Variants in CFAP54 observed in about 807,000 individuals in gnomAD.
CFAP54 encodes the protein cilia- and flagella-associated protein 54.
CFAP54 carries 290 observed loss-of-function variants against 370.4 expected under a neutral mutation model. That is an observed-to-expected ratio of 0.78 (90% confidence interval 0.71 to 0.86). The LOEUF is 0.86. Ranked by LOEUF, CFAP54 falls within the 40% of genes least tolerant of loss-of-function variation. The pLI is 0.00. For missense variants in CFAP54, 3,399 were observed against 3,528.7 expected (o/e 0.96, Z 0.93); for synonymous variants, 1,206 against 1,236.5 (o/e 0.98, Z 0.52).
At chr12:96,642,987 G>C (rs550672665) in intron 32 of CFAP54, among the ~76,000 whole-genome samples, 1 of 152,114 alleles carries the variant, frequency 6.6e-6, no homozygotes, top group South Asian at 2.1e-4. Flanking sequence ...CTGTCCTGTC[G>C]CTGATCTCCC....
At position 96,764,180 on chromosome 12, in the gene CFAP54, A is replaced by G. The variant is rs1226129024; in HGVS notation, c.8070A>G (p.Lys2690=). 6.8e-6 allele frequency: 11 copies of G among 1,613,298 alleles called. No homozygotes were observed. Among genetic ancestry groups the G allele is most frequent in the Non-Finnish European group, 8.5e-6 (10 of 1,179,582 alleles). The change falls in exon 59 of 68, where the codon AAA becomes AAG. Residue 2690 remains lysine, a synonymous_variant. Transcript: ENST00000524981. ...CTCTCAGAAGAAGTAGTTCTGTTAA[A>G]GAAACATCAGCAAATAAATTTGAAA... ...KPPLRRSSSV[K]ETSANKFEMY...
intron 45 of CFAP54, among the ~76,000 whole-genome samples, chr12:96,696,709 G>A (rs1384256319): frequency 1.3e-5 from 2 of 152,146 alleles, no homozygotes; most frequent in Non-Finnish European, 2.9e-5. Context: ...CAGGAGTAGA[G>A]TAAGCAGTGG....
chr12:96,527,178 T>G (rs1411867907), intron 8 of CFAP54, 68 bp from the exon 9 acceptor site: 3 of 1,348,058 alleles, frequency 2.2e-6, no homozygotes, highest in Non-Finnish European at 2.9e-6. Context: ...ATTATAGGCA[T>G]GAGCCACTGC....
rs570644227 is a variant in CFAP54 at position 96,737,029 on chromosome 12, G to A, written c.6966-2927G>A. 2.6e-5 allele frequency among the ~76,000 whole-genome samples: 4 copies of A among 152,280 alleles called. 1 individual carries two copies. Among genetic ancestry groups the A allele is most frequent in the African/African-American group, 9.6e-5 (4 of 41,556 alleles). On this transcript the variant is annotated intron_variant, in intron 50 of 67. Transcript: ENST00000524981. Reference sequence around the variant, plus strand: ...TTCATTTTCTAATCTGGAAAATAGGGATGATAATAGTACACGTTGAGTATC... The same window carrying A: ...TTCATTTTCTAATCTGGAAAATAGGAATGATAATAGTACACGTTGAGTATC...
At chr12:96,721,067 G>A (rs931651307) in intron 50 of CFAP54, among the ~76,000 whole-genome samples, 3 of 151,628 alleles carry the variant, frequency 2.0e-5, no homozygotes, top group Non-Finnish European at 4.4e-5. Flanking sequence ...ATTTTATGAA[G>A]GCACACAGCT....
At chr12:96,688,051 A>G (rs934314165) in intron 42 of CFAP54, among the ~76,000 whole-genome samples, 12 of 151,322 alleles carry the variant, frequency 7.9e-5, no homozygotes, top group African/African-American at 2.7e-4. Flanking sequence ...AAAATACCAC[A>G]CTTGAAGATC....
intron 50 of CFAP54, among the ~76,000 whole-genome samples, chr12:96,732,611 A>G (rs1236830907): frequency 2.0e-5 from 3 of 152,216 alleles, no homozygotes; most frequent in Non-Finnish European, 4.4e-5. Flanking sequence ...AGACATTTTT[A>G]GCTGAATTTC....
intron 42 of CFAP54, among the ~76,000 whole-genome samples, chr12:96,688,415 A>T (rs536003982): frequency 2.8e-4 from 42 of 152,324 alleles, no homozygotes; most frequent in South Asian, 2.7e-3. Flanking sequence ...TTCCACGTCC[A>T]GGGGTTCATT....
At chr12:96,811,676 T>C in intron 63 of CFAP54, 60 bp from the exon 64 acceptor site, 1 of 874,588 alleles carries the variant, frequency 1.1e-6, no homozygotes, top group Non-Finnish European at 1.7e-6. Context: ...AATGCTGTAG[T>C]TTTTGAGCTA....
At chr12:96,648,199 C>A (rs1482161730) in intron 34 of CFAP54, among the ~76,000 whole-genome samples, 182 bp downstream of exon 34, 1 of 152,036 alleles carries the variant, frequency 6.6e-6, no homozygotes, top group Non-Finnish European at 1.5e-5. Flanking sequence ...TAAAAAATTT[C>A]TATATTCTTA....
At chr12:96,711,280 A>C (rs1483093822) in intron 48 of CFAP54, among the ~76,000 whole-genome samples, 2 of 151,814 alleles carry the variant, frequency 1.3e-5, no homozygotes, top group African/African-American at 4.8e-5. Flanking sequence ...CAGTTCTATT[A>C]ATTTGAGTCT....
rs1359880212 is a variant in CFAP54, at chr12:96,576,612, G to A, written c.2647G>A (p.Glu883Lys). 2.0e-6 allele frequency: 3 copies of A among 1,533,752 alleles called. No individual in the cohort carries two copies. In the Admixed American group the frequency reaches 5.9e-5, roughly 30 times the overall value. The change falls in exon 20 of 68, where the codon GAA becomes AAA. Residue 883 changes from glutamate (E) to lysine (K), a missense_variant. By Grantham distance (56) the Glu-to-Lys change is moderately conservative. Transcript: ENST00000524981. ...MEAYSLIQRI[E>K]AEQNALYSYQ... ...AGCATATTCCTTAATTCAGAGGATT[G>A]AAGCTGAACAAAATGCCCTATATTC...
intron 64 of CFAP54, among the ~76,000 whole-genome samples, chr12:96,814,752 G>A (rs1213148763): frequency 2.0e-5 from 3 of 152,110 alleles, no homozygotes; most frequent in Admixed American, 2.0e-4. Context: ...TCCCCTCCCT[G>A]TGTCCATGTG....
chr12:96,683,344 A>G (rs1212786085), intron 40 of CFAP54, among the ~76,000 whole-genome samples: 2 of 152,228 alleles, frequency 1.3e-5, no homozygotes, highest in Non-Finnish European at 2.9e-5. Context: ...CTCAAATACT[A>G]TCAACATGGT....
intron 66 of CFAP54, among the ~76,000 whole-genome samples, chr12:96,833,501 CGCGT>C (rs1436663921): frequency 8.7e-6 from 1 of 115,508 alleles, no homozygotes; most frequent in Non-Finnish European, 1.7e-5. Context: ...CAATTACACA[CGCGT>C]ACGTGTGTGT....
At chr12:96,848,300 C>T (rs1959417914) in intron 66 of CFAP54, among the ~76,000 whole-genome samples, 1 of 152,110 alleles carries the variant, frequency 6.6e-6, no homozygotes, top group East Asian at 1.9e-4. Flanking sequence ...GTCTTGAACT[C>T]CTTACCTCAA....
intron 30 of CFAP54, among the ~76,000 whole-genome samples, chr12:96,629,480 T>G (rs1328990808): frequency 6.6e-6 from 1 of 151,420 alleles, no homozygotes; most frequent in East Asian, 1.9e-4. Flanking sequence ...TAATTTTTTT[T>G]TTTTTTGTAT....
chr12:96,681,069 G>A (rs1957263768), intron 40 of CFAP54, among the ~76,000 whole-genome samples: 4 of 151,828 alleles, frequency 2.6e-5, no homozygotes, highest in South Asian at 4.2e-4. Flanking sequence ...GTGACAAAGC[G>A]AGACTGTCTC....
Position 96,691,205 on chromosome 12 carries a change from A to C in CFAP54, c.6159A>C (p.Pro2053=), listed in dbSNP as rs1413864135. ...YAQYEITQLL[P]GIELFSDRYR... Reference sequence around the variant, plus strand: ...AATATGAAATCACTCAGCTTCTCCCAGGCATTGAACTCTTCTCAGATAGAT... The same window carrying C: ...AATATGAAATCACTCAGCTTCTCCCCGGCATTGAACTCTTCTCAGATAGAT... The change falls in exon 44 of 68, where the codon CCA becomes CCC. Residue 2053 remains proline (P), a synonymous_variant. Coordinates refer to ENST00000524981, the MANE Select transcript of CFAP54 (RefSeq NM_001306084.2). 1.2e-6 allele frequency: 2 copies of C among 1,613,484 alleles called. No homozygotes were observed. Among genetic ancestry groups the C allele is most frequent in the African/African-American group, 2.7e-5 (2 of 74,900 alleles).
Sources: allele counts gnomAD v4.1 joint callset (sites outside exome capture counted in the v4.1 genomes callset), GRCh38; gene constraint gnomAD v4.1.1; transcripts MANE v1.5; gene names NCBI Gene and HGNC (gene_info 2026-07-23, HGNC 2026-07-21).